The following SYTL5 variants were observed in gnomAD, a reference collection of about 807,000 sequenced individuals.
SYTL5 encodes the protein synaptotagmin like 5, also known as synaptotagmin-like protein 5.
SYTL5 carries 34 observed loss-of-function variants against 55.9 expected under a neutral mutation model. The ratio of observed to expected loss-of-function variants is 0.61; its 90% CI spans 0.46 to 0.81. The LOEUF (loss-of-function observed/expected upper bound fraction) is 0.81, where lower values mean the gene tolerates loss of function less well. SYTL5 is among the 30% of genes least tolerant of loss of function. SYTL5 has a pLI of 0.00. For synonymous variants in SYTL5, 221 were observed against 188.7 expected, an observed-to-expected ratio of 1.17 and a Z score of -1.40; for missense variants, 637 against 546.7, an observed-to-expected ratio of 1.17 and a Z score of -1.65.
In SYTL5 at chrX:38,092,317, G is replaced by A. The variant is rs1936818085; in HGVS notation, c.832-1978G>A. Among the ~76,000 whole-genome samples, 4 of 111,725 alleles carry A rather than the reference G, an allele frequency of 3.6e-5. No homozygotes were observed. In the South Asian group the frequency reaches 1.1e-3, roughly 32 times the overall value. The stretch of plus-strand genomic sequence containing the variant: ...ATAAGACAACATCCCACGATAGGCT[G>A]TCTGCAAGCTGCGGAAAGAGAGAAG... On this transcript the variant is annotated intron_variant, in intron 7 of 16. Transcript: ENST00000297875.
intron 1 of SYTL5, among the ~76,000 whole-genome samples, chrX:38,017,181 C>T (rs1254815805): frequency 1.8e-5 from 2 of 111,745 alleles, no homozygotes; most frequent in Non-Finnish European, 3.8e-5. Flanking sequence ...CAACTGTGTT[C>T]AGCTTTCAGC....
intron 1 of SYTL5, among the ~76,000 whole-genome samples, chrX:38,025,139 G>C (rs905413543): frequency 1.8e-5 from 2 of 112,023 alleles, no homozygotes; most frequent in Non-Finnish European, 3.8e-5. Flanking sequence ...AGGGTATTTT[G>C]CGTATGTGAT....
At chrX:37,902,538 G>C in the SYTL5 span, among the ~76,000 whole-genome samples, 1 of 112,191 alleles carries the variant, frequency 8.9e-6, no homozygotes, top group South Asian at 3.7e-4. Context: ...TGAAAAATGA[G>C]AGATTTTTCA....
At chrX:37,969,454 A>G in the SYTL5 span, among the ~76,000 whole-genome samples, 1 of 111,958 alleles carries the variant, frequency 8.9e-6, no homozygotes, top group Non-Finnish European at 1.9e-5. Context: ...TTGAAGTGAA[A>G]CATCACTTCC....
intron 13 of SYTL5, among the ~76,000 whole-genome samples, chrX:38,118,971 A>ATATG (rs1937538037): frequency 2.9e-5 from 3 of 102,793 alleles, no homozygotes; most frequent in Non-Finnish European, 5.9e-5. Context: ...ATATATATAT[A>ATATG]TGTACGCATA....
chrX:37,918,862 A>T, the SYTL5 span, among the ~76,000 whole-genome samples: 3 of 110,948 alleles, frequency 2.7e-5, no homozygotes, highest in African/African-American at 9.8e-5. Context: ...TTCTCATTCC[A>T]GTCATCCCGT....
Position 38,069,467 on chromosome X carries a change from C to T in SYTL5, c.330-2580C>T, listed in dbSNP as rs188893111. Reference sequence around the variant, plus strand: ...CTTGTGGCTGTCAGAATGAGGTGCTCATTTCCTTGTTGACTGTTCACGGAA... The same window carrying T: ...CTTGTGGCTGTCAGAATGAGGTGCTTATTTCCTTGTTGACTGTTCACGGAA... On this transcript the variant is annotated intron_variant, in intron 3 of 16. Transcript: ENST00000297875. Among the ~76,000 whole-genome samples the T allele has an allele frequency of 3.8e-3, 420 of 111,843 alleles. 1 individual carries two copies. The highest frequency in any genetic ancestry group is 0.013 in the African/African-American group (400 of 30,820).
At chrX:37,946,319 T>G in the SYTL5 span, 1 of 134,948 alleles carries the variant, frequency 7.4e-6, no homozygotes, top group Admixed American at 9.2e-5. Context: ...TTGGCTATAC[T>G]ACAGTCTTTG....
chrX:37,905,800 C>T, the SYTL5 span, among the ~76,000 whole-genome samples: 3 of 113,196 alleles, frequency 2.7e-5, no homozygotes, highest in Admixed American at 2.8e-4. Flanking sequence ...ACGAAGGAGG[C>T]TTTCACCCCT....
At chrX:37,996,299 A>C in the SYTL5 span, among the ~76,000 whole-genome samples, 4 of 111,592 alleles carry the variant, frequency 3.6e-5, no homozygotes, top group Non-Finnish European at 7.5e-5. Context: ...CACTCAGGGG[A>C]GGTGGGGAGG....
the SYTL5 span, among the ~76,000 whole-genome samples, chrX:37,945,154 G>A: frequency 1.8e-5 from 2 of 112,626 alleles, no homozygotes; most frequent in African/African-American, 6.4e-5. Flanking sequence ...AGATAACTGT[G>A]AATTATATGA....
chrX:38,122,972 G>A (rs181541152), intron 15 of SYTL5, among the ~76,000 whole-genome samples: 15 of 112,584 alleles, frequency 1.3e-4, no homozygotes, highest in African/African-American at 4.2e-4. Flanking sequence ...ATGGAACTCC[G>A]TAAAGCACAT....
the SYTL5 span, among the ~76,000 whole-genome samples, chrX:37,934,227 G>C: frequency 9.1e-6 from 1 of 110,158 alleles, no homozygotes; most frequent in South Asian, 3.9e-4. Context: ...CTATCTTTGA[G>C]GAAGACCAGT....
chrX:37,916,932 C>T, the SYTL5 span, among the ~76,000 whole-genome samples: 2 of 111,354 alleles, frequency 1.8e-5, no homozygotes, highest in Non-Finnish European at 3.8e-5. Flanking sequence ...CTTCATGTCT[C>T]CTTAGGCTCC....
At chrX:37,952,856 T>C in the SYTL5 span, among the ~76,000 whole-genome samples, 1 of 111,283 alleles carries the variant, frequency 9.0e-6, no homozygotes, top group Non-Finnish European at 1.9e-5. Context: ...AGGATGACTC[T>C]AGGCTTCCAA....
At chrX:38,040,303 C>A (rs911430220) in intron 2 of SYTL5, among the ~76,000 whole-genome samples, 38 of 111,721 alleles carry the variant, frequency 3.4e-4, no homozygotes, top group Non-Finnish European at 3.8e-5. Context: ...GTATCCATCT[C>A]CTCAAGTGTT....
the SYTL5 span, among the ~76,000 whole-genome samples, chrX:37,961,859 C>T: frequency 9.0e-6 from 1 of 111,593 alleles, no homozygotes; most frequent in Non-Finnish European, 1.9e-5. Context: ...CACTTTAACT[C>T]ACTTAATCTT....
At chrX:37,924,445 G>A in the SYTL5 span, among the ~76,000 whole-genome samples, 3 of 111,537 alleles carry the variant, frequency 2.7e-5, no homozygotes, top group Non-Finnish European at 5.7e-5. Flanking sequence ...CTGGAAGGTG[G>A]CTTCTCTTTT....
At chrX:38,040,229 T>C (rs1244024891) in intron 2 of SYTL5, among the ~76,000 whole-genome samples, 2 of 111,100 alleles carry the variant, frequency 1.8e-5, no homozygotes, top group Non-Finnish European at 3.8e-5. Context: ...TATATATTTA[T>C]GGGATACATG....
Sources: gnomAD v4.1 joint callset for allele counts (sites outside exome capture counted in the v4.1 genomes callset) on GRCh38, gnomAD v4.1.1 for gene constraint, MANE v1.5 for transcripts, NCBI Gene and HGNC (gene_info 2026-07-23, HGNC 2026-07-21) for gene names.